Variants in TNPO1 observed in about 807,000 individuals in gnomAD.
TNPO1 encodes transportin 1.
Under a neutral mutation model 119.5 loss-of-function variants are expected in TNPO1, and 8 were observed. That is an observed-to-expected ratio of 0.07 (90% CI 0.04 to 0.12). TNPO1 has a LOEUF of 0.12. Among genes scored for constraint, TNPO1 ranks in the 10% least tolerant of loss-of-function variants. The pLI, the probability that TNPO1 is intolerant of heterozygous loss-of-function variation, is 1.00. For missense variants in TNPO1, 576 were observed against 1,089.8 expected, an observed-to-expected ratio of 0.53 and a Z score of 6.64; for synonymous variants, 362 against 363.0, an observed-to-expected ratio of 1.00 and a Z score of 0.03.
At position 72,912,062 on chromosome 5, in the gene TNPO1, C is replaced by A. The variant is rs1332808826; in HGVS notation, c.*3389C>A. 6.6e-6 allele frequency: 1 copy of A among 151,822 alleles called. No homozygotes were observed. Among genetic ancestry groups the A allele is most frequent in the African/African-American group, 2.5e-5 (1 of 40,784 alleles). The allele number at this position is 151,822 out of a possible 1,614,324, so 9.4% of individuals were successfully genotyped here. On this transcript the variant is annotated 3_prime_UTR_variant, in exon 25 of 25. Coordinates refer to ENST00000337273, the MANE Select transcript of TNPO1 (RefSeq NM_002270.4). ...TATTGTCTAATCTCTTCAATGACTT[C>A]ATACTGTGTAAAAAAAAATCACTTT...
At chr5:72,867,132 CTG>C (rs1346030888) in intron 6 of TNPO1, among the ~76,000 whole-genome samples, 2 of 151,356 alleles carry the variant, frequency 1.3e-5, no homozygotes, top group Non-Finnish European at 2.9e-5. Context: ...CAGTGAGCCA[CTG>C]TGCTCTAGCC....
intron 1 of TNPO1, among the ~76,000 whole-genome samples, chr5:72,841,428 T>G (rs992915470): frequency 1.3e-5 from 2 of 151,248 alleles, no homozygotes; most frequent in Non-Finnish European, 2.9e-5. Flanking sequence ...CATTATAGAC[T>G]TTTTTTTCCA....
chr5:72,820,037 G>A (rs116105531), intron 1 of TNPO1, among the ~76,000 whole-genome samples: 6 of 152,098 alleles, frequency 3.9e-5, no homozygotes, highest in South Asian at 2.1e-4. Context: ...GCCCTTTTGC[G>A]CATTTCCTTC....
At chr5:72,859,992 G>A (rs1746305467) in intron 4 of TNPO1, among the ~76,000 whole-genome samples, 1 of 152,144 alleles carries the variant, frequency 6.6e-6, no homozygotes, top group Non-Finnish European at 1.5e-5. Flanking sequence ...GATCTTAATG[G>A]AAGGCTATTT....
rs111745843 is a variant in TNPO1, at chr5:72,901,105, T to C, written c.2514+32T>C. 3.1e-5 allele frequency: 44 copies of C among 1,417,572 alleles called. 1 individual carries two copies. The African/African-American group carries it at 5.8e-4, about 19-fold the overall frequency. The allele number at this position is 1,417,572 out of a possible 1,614,324, so 87.8% of individuals were successfully genotyped here. On this transcript the variant is annotated intron_variant, in intron 22 of 24. Coordinates refer to ENST00000337273, the MANE Select transcript of TNPO1 (RefSeq NM_002270.4). ...TGTTCACAAAGATTTGTTTTTAATG[T>C]CTAATTAATAAAATTTTAAAGGAAG...
At chr5:72,868,221 A>G (rs992297951) in intron 6 of TNPO1, among the ~76,000 whole-genome samples, 9 of 151,852 alleles carry the variant, frequency 5.9e-5, no homozygotes, top group African/African-American at 1.7e-4. Flanking sequence ...TCACGAGGTC[A>G]GGAGATCGAG....
intron 4 of TNPO1, 29 bp downstream of exon 4, chr5:72,855,952 CTTTG>C (rs772875236): frequency 2.5e-5 from 41 of 1,608,772 alleles, no homozygotes; most frequent in Admixed American, 5.0e-5. Context: ...GTTTTGCTTA[CTTTG>C]TTTGTAACTG....
chr5:72,833,803 A>G (rs1744576358), intron 1 of TNPO1, among the ~76,000 whole-genome samples: 2 of 152,198 alleles, frequency 1.3e-5, no homozygotes, highest in Admixed American at 6.5e-5. Context: ...GTTGAGCCTC[A>G]GTGTTTCTTT....
chr5:72,875,645 C>T lies in TNPO1; in HGVS notation c.709C>T (p.Pro237Ser). 2 of 1,613,298 alleles carry T rather than the reference C, an allele frequency of 1.2e-6. No homozygotes were observed. Among genetic ancestry groups the T allele is most frequent in the Non-Finnish European group, 1.7e-6 (2 of 1,179,472 alleles). Reference sequence around the variant, plus strand: ...CTTTGCATTAGCTGGTGATGAAGAACCAGAGGTACGGAAAAATGTGTGCCG... The same window carrying T: ...CTTTGCATTAGCTGGTGATGAAGAATCAGAGGTACGGAAAAATGTGTGCCG... ...NLFALAGDEE[P>S]EVRKNVCRAL... Residue 237 changes from proline (P) to serine (S), a missense_variant, in exon 8 of 25, where the codon CCA (proline) becomes TCA (serine). By Grantham distance (74) the Pro-to-Ser change is moderately conservative. This residue lies in a region of TNPO1 where 310 missense variants were observed against 583.0 expected (regional missense o/e 0.53). Transcript: ENST00000337273.
chr5:72,894,175 A>G (rs1205689405), intron 18 of TNPO1, among the ~76,000 whole-genome samples: 4 of 152,236 alleles, frequency 2.6e-5, no homozygotes, highest in Admixed American at 2.6e-4. Flanking sequence ...TAATGCCAGC[A>G]CTTTGGGAAG....
chr5:72,866,766 C>G (rs1183584983), intron 6 of TNPO1, among the ~76,000 whole-genome samples: 3 of 151,986 alleles, frequency 2.0e-5, no homozygotes, highest in African/African-American at 4.8e-5. Flanking sequence ...AAAAGAAAAA[C>G]AGAAAAAATT....
At chr5:72,827,163 G>A (rs1744241570) in intron 1 of TNPO1, among the ~76,000 whole-genome samples, 1 of 152,052 alleles carries the variant, frequency 6.6e-6, no homozygotes, top group Non-Finnish European at 1.5e-5. Flanking sequence ...CCCTTAGGTG[G>A]GAACAAACTT....
intron 6 of TNPO1, among the ~76,000 whole-genome samples, chr5:72,866,583 A>G (rs1404043631): frequency 2.0e-5 from 3 of 152,028 alleles, no homozygotes; most frequent in Non-Finnish European, 4.4e-5. Flanking sequence ...ATGAGACCCC[A>G]TCTGTACAAA....
intron 20 of TNPO1, 26 bp downstream of exon 20, chr5:72,897,177 T>C (rs769254434): frequency 2.0e-6 from 3 of 1,534,292 alleles, no homozygotes; most frequent in Non-Finnish European, 2.7e-6. Flanking sequence ...ACTGTTTCAG[T>C]GAAGAGAAAA....
chr5:72,890,096 C>A (rs1748938779), intron 14 of TNPO1, 139 bp downstream of exon 14: 3 of 899,742 alleles, frequency 3.3e-6, no homozygotes, highest in African/African-American at 1.7e-5. Flanking sequence ...ATAGATCTTA[C>A]AAAGGCAGCA....
At chr5:72,870,145 A>C (rs1747270066) in intron 6 of TNPO1, among the ~76,000 whole-genome samples, 2 of 149,312 alleles carry the variant, frequency 1.3e-5, no homozygotes, top group African/African-American at 2.5e-5. Flanking sequence ...AGTCATTTTC[A>C]CAATACTAAT....
intron 18 of TNPO1, among the ~76,000 whole-genome samples, chr5:72,895,822 C>T (rs1224193313): frequency 6.6e-6 from 1 of 152,118 alleles, no homozygotes; most frequent in Non-Finnish European, 1.5e-5. Context: ...CTATCATCCT[C>T]CAAAGGTATC....
chr5:72,884,705 C>A (rs1748493543), intron 11 of TNPO1, among the ~76,000 whole-genome samples: 1 of 152,058 alleles, frequency 6.6e-6, no homozygotes, highest in African/African-American at 2.4e-5. Flanking sequence ...TGCTCTAGTT[C>A]AGGGTTTCTC....
At chr5:72,897,206 T>C in intron 20 of TNPO1, 55 bp downstream of exon 20, 1 of 1,285,476 alleles carries the variant, frequency 7.8e-7, no homozygotes, top group Non-Finnish European at 1.1e-6. Flanking sequence ...CTTTTAATTT[T>C]AATATGCGTA....
Sources: gnomAD v4.1 joint callset for allele counts (sites outside exome capture counted in the v4.1 genomes callset) on GRCh38, gnomAD v4.1.1 for gene constraint, gnomAD v4.1.1 regional missense constraint, MANE v1.5 for transcripts, NCBI Gene and HGNC (gene_info 2026-07-23, HGNC 2026-07-21) for gene names.